COTL1: variants seen among roughly 807,000 people sequenced by gnomAD.
COTL1 encodes coactosin like F-actin binding protein 1.
A neutral mutation model predicts 16.5 loss-of-function variants in COTL1; 15 were observed. The observed-to-expected ratio is 0.91, with a 90% CI of 0.61 to 1.40. COTL1 has a LOEUF of 1.40. COTL1 is among the 40% of genes most tolerant of loss of function. The pLI, the probability that COTL1 is intolerant of heterozygous loss-of-function variation, is 0.00. For missense variants in COTL1, 220 were observed against 201.5 expected, an observed-to-expected ratio of 1.09 and a Z score of -0.56; for synonymous variants, 112 against 85.3, an observed-to-expected ratio of 1.31 and a Z score of -1.73.
chr16:84,589,091 C>T (rs920731339), intron 3 of COTL1, among the ~76,000 whole-genome samples: 1 of 152,132 alleles, frequency 6.6e-6, no homozygotes, highest in African/African-American at 2.4e-5. Flanking sequence ...CCGCCTCAGC[C>T]TCCCAAGTAG....
intron 2 of COTL1, among the ~76,000 whole-genome samples, chr16:84,599,406 C>T (rs1905069081): frequency 6.6e-6 from 1 of 152,078 alleles, no homozygotes; most frequent in African/African-American, 2.4e-5. Flanking sequence ...TAATGAGAAA[C>T]ACAAAAAAGC....
At chr16:84,617,480 C>T in intron 2 of COTL1, 21 bp downstream of exon 2, 6 of 1,548,208 alleles carry the variant, frequency 3.9e-6, no homozygotes, top group Non-Finnish European at 5.2e-6. Context: ...GCGCATCCGC[C>T]CGGCAGGCGC....
Position 84,600,817 on chromosome 16 carries a change from G to C in COTL1, c.161-10555C>G, listed in dbSNP as rs556416685. 5.3e-5 allele frequency among the ~76,000 whole-genome samples: 8 copies of C among 152,260 alleles called. No individual in the cohort carries two copies. In the South Asian group the frequency reaches 1.7e-3, roughly 32 times the overall value. On this transcript the variant is annotated intron_variant, in intron 2 of 3. Transcript: ENST00000262428. ...AGAGAACATAAGAAAATGAAGTACA[G>C]GATGGCCAGAGGAAAAGAAAGATGA...
intron 2 of COTL1, among the ~76,000 whole-genome samples, chr16:84,613,427 C>G (rs906565469): frequency 1.4e-4 from 22 of 152,080 alleles, no homozygotes; most frequent in Non-Finnish European, 2.8e-4. Flanking sequence ...TAGAAACCTC[C>G]AAAATCAAAA....
intron 2 of COTL1, among the ~76,000 whole-genome samples, chr16:84,598,658 C>CG (rs1169512160): frequency 4.1e-4 from 2 of 4,924 alleles, no homozygotes; most frequent in Non-Finnish European, 9.6e-4. Flanking sequence ...TCCCCCCCAA[C>CG]CCCCCCCACC....
In COTL1 at chr16:84,598,142, T is replaced by C. The variant is rs78512793; in HGVS notation, c.161-7880A>G. ...GCCCAGGCCAATTGCACGCTGGATG[T>C]CCCTGATTTGAAGACTATGGATGCC... On this transcript the variant is annotated intron_variant, in intron 2 of 3. Coordinates refer to ENST00000262428, the MANE Select transcript of COTL1 (RefSeq NM_021149.5). Among the ~76,000 whole-genome samples, 1,375 of 152,286 alleles carry C rather than the reference T, an allele frequency of 9.0e-3. 20 individuals carry two copies. Among genetic ancestry groups the C allele is most frequent in the South Asian group, 0.032 (155 of 4,814 alleles).
rs1296713489 is a variant in COTL1, at chr16:84,590,315, T to C, written c.161-53A>G. On this transcript the variant is annotated intron_variant, in intron 2 of 3. Transcript: ENST00000262428. This position sits in a 1 kb window ranked among gnomAD's most constrained non-coding sequence, Gnocchi z 5.5. ...GGTGCTGCGTTAAAACACCCCCATG[T>C]CATGTCCCTGGGGAGAGGCTGTGAG... 6.3e-7 allele frequency: 1 copy of C among 1,589,446 alleles called. No individual in the cohort carries two copies. Among genetic ancestry groups the C allele is most frequent in the Non-Finnish European group, 8.6e-7 (1 of 1,163,496 alleles).
At chr16:84,576,091 G>A (rs932079108) in intron 3 of COTL1, 1 of 152,178 alleles carries the variant, frequency 6.6e-6, no homozygotes, top group Non-Finnish European at 1.5e-5. Flanking sequence ...TTAACAAAGG[G>A]AAGTCCCAGG....
rs139413763 is a variant in COTL1, at chr16:84,598,657, AC to A, written c.161-8396del. ...CCTCCTCCTCCCCTTCTCCCCCCCA[AC>A]CCCCCCCACCAACCCCGACCTCTCT... is the stretch of plus-strand genomic sequence containing the variant. On this transcript the variant is annotated intron_variant, in intron 2 of 3. Coordinates refer to ENST00000262428, the MANE Select transcript of COTL1 (RefSeq NM_021149.5). Among the ~76,000 whole-genome samples, 3 of 138,000 alleles carry A rather than the reference AC, an allele frequency of 2.2e-5. No individual in the cohort carries two copies. In the South Asian group the frequency reaches 7.1e-4, roughly 33 times the overall value. The allele number at this position is 138,000 out of a possible 152,430, so 90.5% of individuals were successfully genotyped here.
rs537643627 is a variant in COTL1 at position 84,577,564 on chromosome 16, G to C, written c.319-10609C>G. 1.4e-4 allele frequency among the ~76,000 whole-genome samples: 22 copies of C among 152,244 alleles called. No individual in the cohort carries two copies. In the South Asian group the frequency reaches 2.9e-3, roughly 20 times the overall value. On this transcript the variant is annotated intron_variant, in intron 3 of 3. Coordinates refer to ENST00000262428, the MANE Select transcript of COTL1 (RefSeq NM_021149.5). ...CTGGCCGGAACAGGTTCTTATAATA[G>C]GCATGAGTCATTATAGATAAAGGGA...
intron 2 of COTL1, among the ~76,000 whole-genome samples, chr16:84,611,009 C>T (rs748080329): frequency 6.6e-6 from 1 of 152,208 alleles, no homozygotes; most frequent in South Asian, 2.1e-4. Flanking sequence ...TTGAGCTTTA[C>T]TCTGTGTCAG....
chr16:84,590,391 G>T lies in COTL1; in HGVS notation c.161-129C>A. On this transcript the variant is annotated intron_variant, in intron 2 of 3. Coordinates refer to ENST00000262428, the MANE Select transcript of COTL1 (RefSeq NM_021149.5). This position sits in a 1 kb window ranked among gnomAD's most constrained non-coding sequence, Gnocchi z 5.5. ...GCAGGAGACCGGTGCAGTTCCCTGG[G>T]AGCACCATGTGCAGAGGACAGGAGG... 1.2e-5 allele frequency: 12 copies of T among 1,035,244 alleles called. No individual in the cohort carries two copies. In the South Asian group the frequency reaches 1.9e-4, roughly 16 times the overall value. The allele number at this position is 1,035,244 out of a possible 1,614,324, so 64.1% of individuals were successfully genotyped here.
chr16:84,590,377 G>C lies in COTL1; in HGVS notation c.161-115C>G, dbSNP rs1904834964. 2 of 1,248,430 alleles carry C rather than the reference G, an allele frequency of 1.6e-6. No homozygotes were observed. Among genetic ancestry groups the C allele is most frequent in the South Asian group, 1.4e-5 (1 of 69,804 alleles). The allele number at this position is 1,248,430 out of a possible 1,614,324, so 77.3% of individuals were successfully genotyped here. On this transcript the variant is annotated intron_variant, in intron 2 of 3. Coordinates refer to ENST00000262428, the MANE Select transcript of COTL1 (RefSeq NM_021149.5). The surrounding 1 kb of genome is among the most constrained non-coding windows in gnomAD (Gnocchi z 5.5). ...CCTGGAGCAGCACAGCAGGAGACCG[G>C]TGCAGTTCCCTGGGAGCACCATGTG...
Position 84,566,505 on chromosome 16 carries a change from A to T in COTL1, c.*340T>A, listed in dbSNP as rs1904298962. 4.7e-6 allele frequency: 1 copy of T among 210,960 alleles called. No individual in the cohort carries two copies. Among genetic ancestry groups the T allele is most frequent in the Non-Finnish European group, 9.5e-6 (1 of 104,876 alleles). 13.1% of individuals were successfully genotyped at this position (210,960 alleles called of 1,614,324 possible). On this transcript the variant is annotated 3_prime_UTR_variant, in exon 4 of 4. Transcript: ENST00000262428. ...TCACTAGGCAGACCTCGTCGCGTGG[A>T]AGAGAAATGCCAGGAAAAGGGGTCA...
chr16:84,574,748 T>A (rs1259607433), intron 3 of COTL1, among the ~76,000 whole-genome samples: 2 of 152,094 alleles, frequency 1.3e-5, no homozygotes, highest in Non-Finnish European at 2.9e-5. Context: ...CACGCCTGGC[T>A]AATTTTTGTA....
chr16:84,572,299 G>A lies in COTL1; in HGVS notation c.319-5344C>T, dbSNP rs562861634. Among the ~76,000 whole-genome samples, 13 of 152,244 alleles carry A rather than the reference G, an allele frequency of 8.5e-5. No individual in the cohort carries two copies. In the South Asian group the frequency reaches 2.5e-3, roughly 29 times the overall value. The stretch of plus-strand genomic sequence containing the variant: ...CAGAGGGAACATATGCATGCAAAGC[G>A]TGGCCACCCCTACACCACACACACC... On this transcript the variant is annotated intron_variant, in intron 3 of 3. Coordinates refer to ENST00000262428, the MANE Select transcript of COTL1 (RefSeq NM_021149.5).
intron 2 of COTL1, among the ~76,000 whole-genome samples, chr16:84,611,310 A>T (rs934144758): frequency 6.6e-6 from 1 of 152,242 alleles, no homozygotes; most frequent in African/African-American, 2.4e-5. Context: ...AGGTCCATGG[A>T]TAGAGGATTG....
chr16:84,566,868 T>C lies in COTL1; in HGVS notation c.406A>G (p.Asn136Asp). Reference sequence around the variant, plus strand: ...GGTTACTCCGTCTGGGCGTCGTAATTGGCTCCCCCCGCCTTCTTCAGCTCG... The same window carrying C: ...GGTTACTCCGTCTGGGCGTCGTAATCGGCTCCCCCCGCCTTCTTCAGCTCG... ...KSELKKAGGANYDAQTE is the reference protein window; with the variant it reads ...KSELKKAGGADYDAQTE The change falls in exon 4 of 4, where the codon AAT becomes GAT. Residue 136 changes from asparagine to aspartate, a missense_variant. Asn to Asp is a conservative substitution (Grantham distance 23). Transcript: ENST00000262428. 1 of 1,613,670 alleles carries C rather than the reference T, an allele frequency of 6.2e-7. No individual in the cohort carries two copies. The highest frequency in any genetic ancestry group is 8.5e-7 in the Non-Finnish European group (1 of 1,179,636).
intron 2 of COTL1, among the ~76,000 whole-genome samples, chr16:84,614,555 G>C (rs1379680706): frequency 1.3e-5 from 2 of 152,130 alleles, no homozygotes; most frequent in East Asian, 3.9e-4. Context: ...GGGTGTTTCA[G>C]AGAGAATGCC....
Sources: gnomAD v4.1 joint callset for allele counts (sites outside exome capture counted in the v4.1 genomes callset) on GRCh38, gnomAD v4.1.1 for gene constraint, Gnocchi (gnomAD v3.1) non-coding constraint, MANE v1.5 for transcripts, NCBI Gene and HGNC (gene_info 2026-07-23, HGNC 2026-07-21) for gene names.